NEK1: variants seen among roughly 807,000 people sequenced by gnomAD.
NEK1 encodes serine/threonine-protein kinase Nek1.
NEK1 carries 137 observed loss-of-function variants against 182.1 expected under a neutral mutation model. The observed-to-expected ratio is 0.75, with a 90% CI of 0.65 to 0.87. NEK1 has a LOEUF of 0.87. NEK1 is among the 40% of genes least tolerant of loss of function. The pLI is 0.00. For synonymous variants in NEK1, 513 were observed against 492.2 expected, an observed-to-expected ratio of 1.04 and a Z score of -0.56; for missense variants, 1,391 against 1,494.4, an observed-to-expected ratio of 0.93 and a Z score of 1.14.
At chr4:169,399,567 G>A (rs1335195388) in intron 35 of NEK1, among the ~76,000 whole-genome samples, 2 of 90,142 alleles carry the variant, frequency 2.2e-5, no homozygotes, top group East Asian at 2.8e-4. Context: ...ATAAGACTCT[G>A]TCTCAAAAAA....
intron 31 of NEK1, among the ~76,000 whole-genome samples, chr4:169,420,726 T>C (rs1375322856): frequency 2.0e-5 from 3 of 152,082 alleles, no homozygotes; most frequent in Non-Finnish European, 4.4e-5. Flanking sequence ...AAGATGTACC[T>C]TGAAAACAAA....
intron 23 of NEK1, 79 bp from the exon 24 acceptor site, chr4:169,479,613 T>C: frequency 8.5e-7 from 1 of 1,170,914 alleles, no homozygotes; most frequent in Non-Finnish European, 1.2e-6. Flanking sequence ...ACCAGATCAC[T>C]ATTTATCCAC....
chr4:169,533,891 T>C (rs973828318), intron 19 of NEK1, among the ~76,000 whole-genome samples: 1 of 152,206 alleles, frequency 6.6e-6, no homozygotes, highest in Non-Finnish European at 1.5e-5. Flanking sequence ...ATTGAAAGCA[T>C]TCAGTGGAAA....
chr4:169,558,283 T>C (rs72974740), intron 16 of NEK1, among the ~76,000 whole-genome samples: 18,602 of 152,176 alleles, frequency 0.12, 1,265 homozygotes, highest in East Asian at 0.17. Flanking sequence ...TGATGAAATA[T>C]GTTTGTTTGA....
At chr4:169,480,023 ATGT>A (rs2149560597) in intron 23 of NEK1, among the ~76,000 whole-genome samples, 1 of 152,298 alleles carries the variant, frequency 6.6e-6, no homozygotes, top group East Asian at 1.9e-4. Flanking sequence ...TGAAAACATC[ATGT>A]TGTATTAACA....
intron 19 of NEK1, among the ~76,000 whole-genome samples, chr4:169,522,084 G>C (rs991375747): frequency 6.6e-6 from 1 of 152,074 alleles, no homozygotes; most frequent in Non-Finnish European, 1.5e-5. Flanking sequence ...CTGTTGTTCA[G>C]ATAGAGAACT....
chr4:169,588,776 G>C, intron 7 of NEK1, 41 bp from the exon 8 acceptor site: 6 of 1,210,146 alleles, frequency 5.0e-6, no homozygotes, highest in Non-Finnish European at 7.2e-6. Flanking sequence ...TAAAGACACA[G>C]TCATGTGCCA....
At chr4:169,485,775 G>A (rs72691085) in intron 23 of NEK1, among the ~76,000 whole-genome samples, 13,503 of 152,156 alleles carry the variant, frequency 0.089, 788 homozygotes, top group African/African-American at 0.16. Context: ...CAGCACTCAG[G>A]AGGCTGAGGC....
At chr4:169,450,331 C>T (rs1015275435) in intron 27 of NEK1, among the ~76,000 whole-genome samples, 1 of 152,056 alleles carries the variant, frequency 6.6e-6, no homozygotes, top group Admixed American at 6.6e-5. Flanking sequence ...ACAGAGAACA[C>T]CACAAAGATA....
intron 32 of NEK1, among the ~76,000 whole-genome samples, chr4:169,403,251 CA>C (rs1212376513): frequency 6.6e-6 from 1 of 152,084 alleles, no homozygotes; most frequent in Non-Finnish European, 1.5e-5. Flanking sequence ...CTACTAGTAG[CA>C]TTTAACTTAA....
intron 2 of NEK1, among the ~76,000 whole-genome samples, chr4:169,609,315 A>G (rs1771921732): frequency 6.6e-6 from 1 of 152,144 alleles, no homozygotes; most frequent in South Asian, 2.1e-4. Context: ...TTATAAGGGG[A>G]CAGAAACTTT....
intron 19 of NEK1, among the ~76,000 whole-genome samples, chr4:169,525,581 A>G (rs1370820030): frequency 6.6e-6 from 1 of 152,206 alleles, no homozygotes; most frequent in Non-Finnish European, 1.5e-5. Flanking sequence ...AGTCAAATCT[A>G]GTCTGCTGTC....
intron 19 of NEK1, among the ~76,000 whole-genome samples, chr4:169,535,570 G>GA (rs1394737992): frequency 6.6e-6 from 1 of 151,834 alleles, no homozygotes; most frequent in African/African-American, 2.4e-5. Context: ...GAGGCAAACA[G>GA]AAAAACATTT....
intron 12 of NEK1, among the ~76,000 whole-genome samples, chr4:169,563,432 A>G (rs974852289): frequency 1.3e-5 from 2 of 151,878 alleles, no homozygotes; most frequent in African/African-American, 4.8e-5. Context: ...TTTTCTAATC[A>G]TTTATTTTTT....
rs1358112481 is a variant in NEK1 at position 169,576,919 on chromosome 4, T to G, written c.1020+9A>C. On this transcript the variant is annotated intron_variant, in intron 12 of 35. Coordinates refer to ENST00000507142, the MANE Select transcript of NEK1 (RefSeq NM_001199397.3). The stretch of plus-strand genomic sequence containing the variant: ...TGTTATTAACACATGGTATGTAACA[T>G]GATCATACCTGTTTATGTTTTTGCA... The G allele has an allele frequency of 1.3e-6, 2 of 1,587,996 alleles. No homozygotes were observed. Among genetic ancestry groups the G allele is most frequent in the Non-Finnish European group, 1.7e-6 (2 of 1,166,084 alleles).
intron 16 of NEK1, among the ~76,000 whole-genome samples, chr4:169,561,125 A>C (rs1762832226): frequency 6.6e-6 from 1 of 152,210 alleles, no homozygotes; most frequent in African/African-American, 2.4e-5. Context: ...TCAGATTAAG[A>C]AGCATCTTCT....
At chr4:169,592,741 T>G (rs1177867970) in intron 5 of NEK1, among the ~76,000 whole-genome samples, 2 of 152,118 alleles carry the variant, frequency 1.3e-5, no homozygotes, top group African/African-American at 4.8e-5. Flanking sequence ...AGATATTTAT[T>G]TAATGAGGAT....
At chr4:169,478,199 A>G (rs1747324197) in intron 24 of NEK1, among the ~76,000 whole-genome samples, 1 of 152,118 alleles carries the variant, frequency 6.6e-6, no homozygotes. Context: ...CAATTTTCTA[A>G]GTTTTAAGTA....
At chr4:169,594,650 A>AAT (rs1769125562) in intron 5 of NEK1, among the ~76,000 whole-genome samples, 1 of 152,218 alleles carries the variant, frequency 6.6e-6, no homozygotes, top group African/African-American at 2.4e-5. Context: ...TTAAATAAGT[A>AAT]ACCAAAGAAT....
Sources: gnomAD v4.1 joint callset for allele counts (sites outside exome capture counted in the v4.1 genomes callset) on GRCh38, gnomAD v4.1.1 for gene constraint, MANE v1.5 for transcripts, NCBI Gene and HGNC (gene_info 2026-07-23, HGNC 2026-07-21) for gene names.